TMED10: variants seen among roughly 807,000 people sequenced by gnomAD.
TMED10 encodes the protein transmembrane p24 trafficking protein 10.
In TMED10, 7 loss-of-function variants were observed where a neutral mutation model predicts 23.1. The observed-to-expected ratio is 0.30, with a 90% CI of 0.17 to 0.57. TMED10 has a LOEUF of 0.57. Among genes scored for constraint, TMED10 ranks in the 20% least tolerant of loss-of-function variants. The pLI is 0.91. For synonymous variants in TMED10, 113 were observed against 106.9 expected, an observed-to-expected ratio of 1.06 and a Z score of -0.35; for missense variants, 162 against 274.8, an observed-to-expected ratio of 0.59 and a Z score of 2.90.
intron 1 of TMED10, among the ~76,000 whole-genome samples, chr14:75,162,977 G>A (rs1253842926): frequency 1.3e-5 from 2 of 151,996 alleles, no homozygotes; most frequent in African/African-American, 4.8e-5. Context: ...CTCACACCTT[G>A]TAACGCCAGC....
At chr14:75,151,225 T>C (rs1895952869) in intron 2 of TMED10, among the ~76,000 whole-genome samples, 1 of 151,152 alleles carries the variant, frequency 6.6e-6, no homozygotes, top group Non-Finnish European at 1.5e-5. Flanking sequence ...GTTGTTGTTG[T>C]TGTTTATTTT....
chr14:75,148,463 G>A (rs932617077), intron 2 of TMED10, among the ~76,000 whole-genome samples: 10 of 151,802 alleles, frequency 6.6e-5, no homozygotes, highest in African/African-American at 2.2e-4. Context: ...TAGAGTTCAT[G>A]TTAGAAGAGT....
At chr14:75,146,916 T>TAGAC (rs10624439) in intron 3 of TMED10, among the ~76,000 whole-genome samples, 51 of 151,724 alleles carry the variant, frequency 3.4e-4, no homozygotes, top group Non-Finnish European at 5.6e-4. Context: ...CCCAGATAGA[T>TAGAC]AGATAGATAG....
chr14:75,137,294 T>C (rs1895761822), intron 3 of TMED10, among the ~76,000 whole-genome samples: 1 of 150,152 alleles, frequency 6.7e-6, no homozygotes, highest in South Asian at 2.2e-4. Context: ...ACAGGCGTGA[T>C]CCACCATGCC....
Position 75,144,493 on chromosome 14 carries a change from C to A in TMED10, c.411+3171G>T, listed in dbSNP as rs186187100. Among the ~76,000 whole-genome samples the A allele has an allele frequency of 2.8e-3, 419 of 152,282 alleles. 3 individuals carry two copies. Among genetic ancestry groups the A allele is most frequent in the Non-Finnish European group, 4.7e-3 (322 of 68,026 alleles). On this transcript the variant is annotated intron_variant, in intron 3 of 4. Coordinates refer to ENST00000303575, the MANE Select transcript of TMED10 (RefSeq NM_006827.6). ...CTGTCTTCCAAATAATATCATCTTACATTTGTATTGTGTTACATAGCAATT... is the reference window on the plus strand; with the variant it reads ...CTGTCTTCCAAATAATATCATCTTAAATTTGTATTGTGTTACATAGCAATT...
At chr14:75,157,454 C>T (rs1896032773) in intron 1 of TMED10, among the ~76,000 whole-genome samples, 1 of 151,992 alleles carries the variant, frequency 6.6e-6, no homozygotes, top group South Asian at 2.1e-4. Context: ...GAGTTTGAGA[C>T]CAGCCTGGGC....
chr14:75,171,897 G>A (rs963806860), intron 1 of TMED10, among the ~76,000 whole-genome samples: 2 of 151,426 alleles, frequency 1.3e-5, no homozygotes, highest in Non-Finnish European at 2.9e-5. Context: ...TGACACCCTC[G>A]ACAGAAAGAT....
At chr14:75,152,257 T>C in intron 1 of TMED10, 114 bp from the exon 2 acceptor site, 2 of 790,000 alleles carry the variant, frequency 2.5e-6, no homozygotes, top group Non-Finnish European at 4.0e-6. Flanking sequence ...GTTCTCATTA[T>C]GATGACTATG....
chr14:75,145,108 T>C (rs1895866644), intron 3 of TMED10, among the ~76,000 whole-genome samples: 1 of 152,090 alleles, frequency 6.6e-6, no homozygotes, highest in Non-Finnish European at 1.5e-5. Flanking sequence ...AGGGTGGGGA[T>C]AGATGTTAAA....
intron 1 of TMED10, chr14:75,176,152 G>C (rs922889880): frequency 1.6e-6 from 1 of 631,134 alleles, no homozygotes; most frequent in Non-Finnish European, 2.7e-6. Context: ...CCCTTCTTGG[G>C]GTTCCCAGGC....
rs1017821080 is a variant in TMED10 at position 75,133,092 on chromosome 14, A to C, written c.*1793T>G. On this transcript the variant is annotated 3_prime_UTR_variant, in exon 5 of 5. Coordinates refer to ENST00000303575, the MANE Select transcript of TMED10 (RefSeq NM_006827.6). ...GTATTTACTCTCTTAATGGCCCTCG[A>C]TGTCTATTTTATACATCATATCTCT... 1 of 152,170 alleles carries C rather than the reference A, an allele frequency of 6.6e-6. No individual in the cohort carries two copies. The highest frequency in any genetic ancestry group is 2.4e-5 in the African/African-American group (1 of 41,432). The allele number at this position is 152,170 out of a possible 1,614,324, so 9.4% of individuals were successfully genotyped here.
chr14:75,172,791 T>C (rs1049194019), intron 1 of TMED10, among the ~76,000 whole-genome samples: 3 of 152,232 alleles, frequency 2.0e-5, no homozygotes, highest in African/African-American at 7.2e-5. Context: ...ATCCTGATAA[T>C]TGGTGAATAT....
At chr14:75,142,238 A>C (rs1203994898) in intron 3 of TMED10, among the ~76,000 whole-genome samples, 2 of 152,218 alleles carry the variant, frequency 1.3e-5, no homozygotes, top group Non-Finnish European at 2.9e-5. Flanking sequence ...TAGTTGTTAA[A>C]TAATCAAAGG....
At chr14:75,143,962 C>T (rs1460248784) in intron 3 of TMED10, among the ~76,000 whole-genome samples, 1 of 147,382 alleles carries the variant, frequency 6.8e-6, no homozygotes, top group Non-Finnish European at 1.5e-5. Context: ...GACTTTGGAT[C>T]TAGTACATGG....
intron 4 of TMED10, 64 bp from the exon 5 acceptor site, chr14:75,135,070 G>T (rs1293794143): frequency 2.4e-5 from 39 of 1,597,016 alleles, no homozygotes; most frequent in Non-Finnish European, 3.2e-5. Context: ...CTAAACAATG[G>T]CAGGGGAGGT....
chr14:75,164,569 A>T (rs1203969891), intron 1 of TMED10, among the ~76,000 whole-genome samples: 15 of 1,988 alleles, frequency 7.5e-3, no homozygotes, highest in Non-Finnish European at 7.3e-3. Flanking sequence ...ATATATATAT[A>T]TATATATATT....
At chr14:75,138,812 CTTTTTTTT>C (rs59707221) in intron 3 of TMED10, among the ~76,000 whole-genome samples, 1 of 95,052 alleles carries the variant, frequency 1.1e-5, no homozygotes, top group Non-Finnish European at 2.1e-5. Context: ...GCCTTTGCTT[CTTTTTTTT>C]TTTTTTTTTT....
intron 2 of TMED10, among the ~76,000 whole-genome samples, chr14:75,148,795 G>A (rs1276723175): frequency 6.6e-6 from 1 of 152,176 alleles, no homozygotes; most frequent in Non-Finnish European, 1.5e-5. Flanking sequence ...AAACTGTGCT[G>A]GAGATTTTAA....
rs148259022 is a variant in TMED10 at position 75,167,148 on chromosome 14, G to A, written c.225+9207C>T. 7.2e-3 allele frequency among the ~76,000 whole-genome samples: 1,091 copies of A among 151,956 alleles called. 7 individuals are homozygous for A. The highest frequency in any genetic ancestry group is 0.013 in the Non-Finnish European group (855 of 67,954). On this transcript the variant is annotated intron_variant, in intron 1 of 4. Transcript: ENST00000303575. ...GTAGAGACAGGGTTTCACCATGTTG[G>A]CCAGGATGGTCTCATTCTCCTGACC...
Sources: allele counts gnomAD v4.1 joint callset (sites outside exome capture counted in the v4.1 genomes callset), GRCh38; gene constraint gnomAD v4.1.1; transcripts MANE v1.5; gene names NCBI Gene and HGNC (gene_info 2026-07-23, HGNC 2026-07-21).